Variants in CHD1L observed in about 807,000 individuals in gnomAD.
The protein encoded by CHD1L is chromodomain helicase DNA binding protein 1 like.
In CHD1L, 118 loss-of-function variants were observed where a neutral mutation model predicts 115.9. That is an observed-to-expected ratio of 1.02 (90% CI 0.88 to 1.19). The LOEUF is 1.19. Among genes scored for constraint, CHD1L ranks in the 50% most tolerant of loss-of-function variants. CHD1L has a pLI of 0.00. For missense variants in CHD1L, 1,179 were observed against 1,065.3 expected, an observed-to-expected ratio of 1.11 and a Z score of -1.49; for synonymous variants, 411 against 387.1, an observed-to-expected ratio of 1.06 and a Z score of -0.72.
rs782267265 is a variant in CHD1L, at chr1:147,268,880, T to G, written c.1085+2T>G. On this transcript the variant is annotated splice_donor_variant, in intron 10 of 22. Transcript: ENST00000369258. LOFTEE classifies it high-confidence loss of function. Reference sequence around the variant, plus strand: ...GCTACTAGCATTCCTGTATTCTGGGTAGGTGGTAGGTTCACATTTGCTGCT... The same window carrying G: ...GCTACTAGCATTCCTGTATTCTGGGGAGGTGGTAGGTTCACATTTGCTGCT... The G allele has an allele frequency of 2.5e-6, 4 of 1,608,508 alleles. No individual in the cohort carries two copies. The highest frequency in any genetic ancestry group is 2.6e-6 in the Non-Finnish European group (3 of 1,175,622).
chr1:147,179,256 G>A, the CHD1L span: 1 of 1,612,206 alleles, frequency 6.2e-7, no homozygotes, highest in South Asian at 1.1e-5. Flanking sequence ...TGAAGGTAGT[G>A]GTAGCAGAGA....
intron 13 of CHD1L, among the ~76,000 whole-genome samples, chr1:147,275,746 G>A (rs1553957181): frequency 7.3e-6 from 1 of 136,738 alleles, no homozygotes; most frequent in Non-Finnish European, 1.6e-5. Flanking sequence ...GTCTGACTCA[G>A]TTAAAAAATG....
At chr1:147,176,145 A>G in the CHD1L span, 2 of 152,238 alleles carry the variant, frequency 1.3e-5, no homozygotes, top group African/African-American at 4.8e-5. Context: ...TTAGCAAAAT[A>G]TATGAGTTTA....
At chr1:147,209,052 C>T in the CHD1L span, 1 of 1,612,662 alleles carries the variant, frequency 6.2e-7, no homozygotes, top group Non-Finnish European at 8.5e-7. Context: ...TGAGGAAAAC[C>T]TGGGGCATGG....
At chr1:147,239,760 C>T (rs1553930363), upstream of CHD1L, among the ~76,000 whole-genome samples, 3 of 152,192 alleles carry the variant, frequency 2.0e-5, no homozygotes, top group African/African-American at 7.2e-5. Context: ...AGCTAGGACT[C>T]TATCATCTGG....
intron 1 of CHD1L, among the ~76,000 whole-genome samples, chr1:147,249,342 A>G (rs1667633607): frequency 2.0e-5 from 3 of 147,576 alleles, no homozygotes; most frequent in Admixed American, 2.0e-4. Flanking sequence ...TTCTGGCTGC[A>G]TTTAAGATAT....
At chr1:147,187,097 T>C in the CHD1L span, 1 of 1,613,928 alleles carries the variant, frequency 6.2e-7, no homozygotes, top group Non-Finnish European at 8.5e-7. Context: ...TGGATTGGAG[T>C]GCAGGGTCCC....
the CHD1L span, among the ~76,000 whole-genome samples, chr1:147,220,078 T>A: frequency 6.6e-6 from 1 of 152,120 alleles, no homozygotes; most frequent in Non-Finnish European, 1.5e-5. Context: ...GACCTCGTGA[T>A]CCACCCACCT....
intron 19 of CHD1L, 62 bp from the exon 20 acceptor site, chr1:147,291,420 G>A (rs1572211512): frequency 2.2e-6 from 3 of 1,347,010 alleles, no homozygotes; most frequent in South Asian, 2.3e-5. Flanking sequence ...CGAGATACGA[G>A]GAGGATTCAT....
the CHD1L span, chr1:147,178,886 A>G: frequency 1.9e-6 from 3 of 1,573,538 alleles, no homozygotes; most frequent in East Asian, 6.7e-5. Context: ...ATACAGGGCA[A>G]GGACTTACTT....
chr1:147,241,501 C>A (rs1193304864), upstream of CHD1L, among the ~76,000 whole-genome samples: 1 of 152,282 alleles, frequency 6.6e-6, no homozygotes, highest in South Asian at 2.1e-4. Context: ...TTCGCTGACT[C>A]TTTTCGGACT....
At position 147,242,687 on chromosome 1, in the gene CHD1L, G is replaced by A. The variant is rs1377589160; in HGVS notation, c.-17G>A. 1 of 1,264,866 alleles carries A rather than the reference G, an allele frequency of 7.9e-7. No individual in the cohort carries two copies. The highest frequency in any genetic ancestry group is 1.0e-6 in the Non-Finnish European group (1 of 1,002,742). The allele number at this position is 1,264,866 out of a possible 1,614,324, so 78.4% of individuals were successfully genotyped here. On this transcript the variant is annotated 5_prime_UTR_variant, in exon 1 of 23. Transcript: ENST00000369258. ...GGTGCGCGCTTGGCCGCGCGGGGCGGGGCCTCTACCGGCCCGATGGAGCGC... is the reference window on the plus strand; with the variant it reads ...GGTGCGCGCTTGGCCGCGCGGGGCGAGGCCTCTACCGGCCCGATGGAGCGC...
the CHD1L span, chr1:147,214,943 A>G: frequency 6.6e-6 from 1 of 152,272 alleles, no homozygotes; most frequent in Non-Finnish European, 1.5e-5. Context: ...TTACTTTAGA[A>G]GTTCACTAGA....
chr1:147,204,141 A>C, the CHD1L span: 1 of 1,074,450 alleles, frequency 9.3e-7, no homozygotes, highest in East Asian at 2.4e-5. Flanking sequence ...AAATTCATCA[A>C]TTCTTCATCA....
At chr1:147,287,553 C>A in intron 18 of CHD1L, 82 bp from the exon 19 acceptor site, 1 of 898,944 alleles carries the variant, frequency 1.1e-6, no homozygotes, top group Non-Finnish European at 1.7e-6. Flanking sequence ...TTCCACAAGT[C>A]CCTTTTGTGT....
chr1:147,238,465 G>A (rs1664658802), upstream of CHD1L, among the ~76,000 whole-genome samples: 1 of 152,224 alleles, frequency 6.6e-6, no homozygotes. Flanking sequence ...CACTGACAGT[G>A]TTAGTTGGTT....
upstream of CHD1L, among the ~76,000 whole-genome samples, chr1:147,241,689 T>C (rs1571506866): frequency 6.6e-6 from 1 of 152,148 alleles, no homozygotes; most frequent in East Asian, 1.9e-4. Flanking sequence ...TCTGAAGTCA[T>C]CCCTTTTCTA....
intron 11 of CHD1L, among the ~76,000 whole-genome samples, chr1:147,271,324 C>A (rs782419608): frequency 6.6e-6 from 1 of 152,132 alleles, no homozygotes; most frequent in African/African-American, 2.4e-5. Flanking sequence ...GAGCTTTTAG[C>A]GTCTTGTAAC....
chr1:147,227,805 G>A, the CHD1L span, among the ~76,000 whole-genome samples: 1 of 152,204 alleles, frequency 6.6e-6, no homozygotes, highest in Non-Finnish European at 1.5e-5. Context: ...CCCAGAAAGA[G>A]CTTTCAAACA....
Sources: gnomAD v4.1 joint callset for allele counts (sites outside exome capture counted in the v4.1 genomes callset) on GRCh38, gnomAD v4.1.1 for gene constraint, MANE v1.5 for transcripts, NCBI Gene and HGNC (gene_info 2026-07-23, HGNC 2026-07-21) for gene names.